GOLM1: variants seen among roughly 807,000 people sequenced by gnomAD.
The protein encoded by GOLM1 is epididymis luminal protein 46.
A neutral mutation model predicts 50.5 loss-of-function variants in GOLM1; 31 were observed. The ratio of observed to expected loss-of-function variants is 0.61; its 90% CI spans 0.46 to 0.83. The LOEUF (loss-of-function observed/expected upper bound fraction) is 0.83. Among genes scored for constraint, GOLM1 ranks in the 40% least tolerant of loss-of-function variants. The pLI, the probability that GOLM1 is intolerant of heterozygous loss-of-function variation, is 0.00. For missense variants in GOLM1, 491 were observed against 501.3 expected (o/e 0.98, Z 0.20); for synonymous variants, 178 against 192.8 (o/e 0.92, Z 0.64).
At position 86,026,543 on chromosome 9, in the gene GOLM1, A is replaced by G. The variant is rs1237944082; in HGVS notation, c.*1274T>C. 3 of 895,140 alleles carry G rather than the reference A, an allele frequency of 3.4e-6. No individual in the cohort carries two copies. Among genetic ancestry groups the G allele is most frequent in the Admixed American group, 1.2e-4 (2 of 16,180 alleles). 55.4% of individuals were successfully genotyped at this position (895,140 alleles called of 1,614,324 possible). On this transcript the variant is annotated 3_prime_UTR_variant, in exon 10 of 10. Transcript: ENST00000388712. ...GGCCCCATTTTCCCCTCTGAAAATA[A>G]GAGGGTTGGATCAAACGATCTCTGG...
chr9:86,050,179 C>A (rs1245759519), intron 4 of GOLM1, among the ~76,000 whole-genome samples: 1 of 152,076 alleles, frequency 6.6e-6, no homozygotes, highest in Admixed American at 6.6e-5. Flanking sequence ...TACTGATTTG[C>A]GTATGTTGAA....
chr9:86,059,968 C>T (rs988719622), intron 3 of GOLM1, among the ~76,000 whole-genome samples: 1 of 145,370 alleles, frequency 6.9e-6, no homozygotes, highest in Admixed American at 6.8e-5. Context: ...GTGAACATAC[C>T]CAAACCACTG....
rs188956829 is a variant in GOLM1 at position 86,033,466 on chromosome 9, A to G, written c.1016-71T>C. ...GATGTCACAGGACTATCAGAGCACA[A>G]GTGCTGGGGGTTAGCCATACTTGCT... On this transcript the variant is annotated intron_variant, in intron 8 of 9. Coordinates refer to ENST00000388712, the MANE Select transcript of GOLM1 (RefSeq NM_016548.4). The G allele has an allele frequency of 9.6e-4, 899 of 931,992 alleles. 7 individuals are homozygous for G. The highest frequency in any genetic ancestry group is 4.3e-3 in the African/African-American group (268 of 62,070). The allele number at this position is 931,992 out of a possible 1,614,324, so 57.7% of individuals were successfully genotyped here.
intron 1 of GOLM1, among the ~76,000 whole-genome samples, chr9:86,096,177 GTTTT>G (rs11475801): frequency 1.4e-5 from 2 of 140,594 alleles, no homozygotes; most frequent in African/African-American, 5.3e-5. Context: ...TGCTCGATAG[GTTTT>G]TTTTTTTTTT....
At chr9:86,031,802 T>C (rs1456212598) in intron 9 of GOLM1, among the ~76,000 whole-genome samples, 1 of 150,396 alleles carries the variant, frequency 6.6e-6, no homozygotes, top group East Asian at 2.0e-4. Context: ...ACAAATAACA[T>C]AAAAATGAAT....
intron 3 of GOLM1, among the ~76,000 whole-genome samples, chr9:86,075,095 C>T (rs1321887206): frequency 6.6e-6 from 1 of 152,156 alleles, no homozygotes; most frequent in African/African-American, 2.4e-5. Flanking sequence ...TTGCCCCTTC[C>T]ACCAGGCAAG....
intron 6 of GOLM1, 54 bp from the exon 7 acceptor site, chr9:86,036,561 C>G (rs905304888): frequency 4.4e-6 from 7 of 1,580,978 alleles, no homozygotes; most frequent in Non-Finnish European, 5.2e-6. Flanking sequence ...GAACAGAAGC[C>G]GTAAAAGAAT....
chr9:86,080,193 T>C (rs571630077), intron 1 of GOLM1: 1 of 152,286 alleles, frequency 6.6e-6, no homozygotes, highest in East Asian at 1.9e-4. Context: ...CACCTCATGT[T>C]AGGAAAAACA....
chr9:86,095,425 TA>T (rs113639372), intron 1 of GOLM1, among the ~76,000 whole-genome samples: 33,284 of 140,656 alleles, frequency 0.24, 6,811 homozygotes, highest in African/African-American at 0.54. Context: ...TTTTTTTTTT[TA>T]AAATAGAGAT....
At position 86,077,595 on chromosome 9, in the gene GOLM1, C is replaced by A. The variant is rs940017816; in HGVS notation, c.130-4G>T. 2.5e-6 allele frequency: 4 copies of A among 1,611,626 alleles called. No individual in the cohort carries two copies. The highest frequency in any genetic ancestry group is 3.4e-6 in the Non-Finnish European group (4 of 1,178,246). ...CTTCCAGCTCCATGATCCGTGTCTACAAGGAGACCGTGGCATTAGGGCTGA... is the reference window on the plus strand; with the variant it reads ...CTTCCAGCTCCATGATCCGTGTCTAAAAGGAGACCGTGGCATTAGGGCTGA... On this transcript the variant is annotated splice_polypyrimidine_tract_variant and splice_region_variant and intron_variant, in intron 2 of 9. Transcript: ENST00000388712.
chr9:86,093,244 G>A (rs1335478729), intron 1 of GOLM1, among the ~76,000 whole-genome samples: 2 of 152,124 alleles, frequency 1.3e-5, no homozygotes, highest in Non-Finnish European at 2.9e-5. Context: ...GGGCATGGTG[G>A]TGTGTGCCTG....
chr9:86,028,551 C>T (rs1254911818), intron 9 of GOLM1, among the ~76,000 whole-genome samples: 4 of 152,192 alleles, frequency 2.6e-5, no homozygotes, highest in Non-Finnish European at 5.9e-5. Flanking sequence ...TACACTAGGG[C>T]AAGAACCTGG....
chr9:86,064,707 A>G (rs1240824991), intron 3 of GOLM1, among the ~76,000 whole-genome samples: 1 of 152,004 alleles, frequency 6.6e-6, no homozygotes, highest in Non-Finnish European at 1.5e-5. Flanking sequence ...GCACCCCAAC[A>G]TCACACTCTG....
intron 3 of GOLM1, among the ~76,000 whole-genome samples, chr9:86,063,800 A>G (rs1287030745): frequency 1.3e-5 from 2 of 152,206 alleles, no homozygotes; most frequent in African/African-American, 2.4e-5. Context: ...AAACACGCCA[A>G]CGCTCTTTCT....
chr9:86,069,721 G>A, intron 3 of GOLM1, among the ~76,000 whole-genome samples: 1 of 152,128 alleles, frequency 6.6e-6, no homozygotes. Flanking sequence ...GCTGAGGCCA[G>A]CAATGACACC....
intron 3 of GOLM1, among the ~76,000 whole-genome samples, chr9:86,069,172 CAA>C (rs796190431): frequency 2.2e-4 from 33 of 151,414 alleles, no homozygotes; most frequent in African/African-American, 8.1e-4. Flanking sequence ...GGAGAGTTCT[CAA>C]TAGCTAATTT....
At chr9:86,062,443 AGGAGAG>A (rs1834188771) in intron 3 of GOLM1, among the ~76,000 whole-genome samples, 1 of 146,530 alleles carries the variant, frequency 6.8e-6, no homozygotes, top group South Asian at 2.3e-4. Context: ...AAGGATGGTG[AGGAGAG>A]GGAGAGAAAG....
intron 4 of GOLM1, 99 bp downstream of exon 4, chr9:86,052,438 G>T: frequency 2.1e-6 from 2 of 935,108 alleles, no homozygotes; most frequent in East Asian, 4.8e-5. Flanking sequence ...TATCCGCCAT[G>T]AGATTATAAT....
chr9:86,076,061 T>C (rs1460641072), intron 3 of GOLM1, among the ~76,000 whole-genome samples: 3 of 152,176 alleles, frequency 2.0e-5, no homozygotes, highest in Non-Finnish European at 4.4e-5. Context: ...TAATGGAAGT[T>C]GAGCTACAAC....
Sources: allele counts gnomAD v4.1 joint callset (sites outside exome capture counted in the v4.1 genomes callset), GRCh38; gene constraint gnomAD v4.1.1; transcripts MANE v1.5; gene names NCBI Gene and HGNC (gene_info 2026-07-23, HGNC 2026-07-21).